PKN2: variants seen among roughly 807,000 people sequenced by gnomAD.
The protein encoded by PKN2 is protein kinase N2, also known as serine/threonine-protein kinase N2.
Under a neutral mutation model 119.1 loss-of-function variants are expected in PKN2, and 38 were observed. That is an observed-to-expected ratio of 0.32 (90% CI 0.25 to 0.42). The LOEUF is 0.42. PKN2 is among the 10% of genes least tolerant of loss of function. The probability of loss-of-function intolerance (pLI) is 1.00; values close to 1 mark genes in which losing one functional copy is unlikely to be tolerated. For synonymous variants in PKN2, 390 were observed against 384.9 expected (o/e 1.01, Z -0.15); for missense variants, 850 against 1,165.1 (o/e 0.73, Z 3.94).
At chr1:88,684,938 G>A (rs1446570236) in intron 1 of PKN2, 2 of 318,416 alleles carry the variant, frequency 6.3e-6, no homozygotes, top group Non-Finnish European at 1.2e-5. Context: ...AGGCCGGCCC[G>A]TCGCCCCCTC....
In PKN2 at chr1:88,770,346, T is replaced by TA. The variant is rs779004409; in HGVS notation, c.505-4dup. 114 of 1,563,608 alleles carry TA rather than the reference T, an allele frequency of 7.3e-5. No individual in the cohort carries two copies. Among genetic ancestry groups the TA allele is most frequent in the Non-Finnish European group, 2.4e-5 (27 of 1,135,818 alleles). Reference sequence around the variant, plus strand: ...GCTTAATTTTTCAAACTTATTTTTTTAATAGGATCGGAAACTCCATGGTAC... The same window carrying TA: ...GCTTAATTTTTCAAACTTATTTTTTTAAATAGGATCGGAAACTCCATGGTAC... On this transcript the variant is annotated splice_polypyrimidine_tract_variant and splice_region_variant and intron_variant, in intron 3 of 21. Coordinates refer to ENST00000370521, the MANE Select transcript of PKN2 (RefSeq NM_006256.4).
chr1:88,759,353 ACT>A (rs1378872227), intron 2 of PKN2, among the ~76,000 whole-genome samples: 6 of 152,074 alleles, frequency 3.9e-5, no homozygotes, highest in Admixed American at 1.3e-4. Flanking sequence ...ACAGAGCAAG[ACT>A]CTGTCTCAGA....
At chr1:88,697,334 A>G (rs887374912) in intron 1 of PKN2, among the ~76,000 whole-genome samples, 3 of 152,150 alleles carry the variant, frequency 2.0e-5, no homozygotes, top group Non-Finnish European at 2.9e-5. Flanking sequence ...ACATTATATG[A>G]CCAATCTGCC....
chr1:88,765,116 A>G lies in PKN2; in HGVS notation c.504+4740A>G, dbSNP rs546204306. On this transcript the variant is annotated intron_variant, in intron 3 of 21. Coordinates refer to ENST00000370521, the MANE Select transcript of PKN2 (RefSeq NM_006256.4). ...TACTTTTTTTGTATTGCTAGTAGAGATGGGGTTTCGCCATGTTGGCCAGGC... is the reference window on the plus strand; with the variant it reads ...TACTTTTTTTGTATTGCTAGTAGAGGTGGGGTTTCGCCATGTTGGCCAGGC... Among the ~76,000 whole-genome samples, 6 of 152,028 alleles carry G rather than the reference A, an allele frequency of 3.9e-5. No homozygotes were observed. In the East Asian group the frequency reaches 9.7e-4, roughly 25 times the overall value.
chr1:88,820,182 ATATATATATAT>A (rs1557634779), intron 16 of PKN2, among the ~76,000 whole-genome samples: 120 of 8,138 alleles, frequency 0.015, 4 homozygotes, highest in Non-Finnish European at 0.022. Flanking sequence ...TCAGAAACCT[ATATATATATAT>A]ATATATATAT....
intron 15 of PKN2, among the ~76,000 whole-genome samples, chr1:88,808,010 A>G (rs1557626211): frequency 6.6e-6 from 1 of 152,092 alleles, no homozygotes; most frequent in African/African-American, 2.4e-5. Context: ...GAAATGTTTG[A>G]ACTAATTTTG....
At chr1:88,829,264 G>T in intron 19 of PKN2, 1 of 673,978 alleles carries the variant, frequency 1.5e-6, no homozygotes. Flanking sequence ...AATTTGCTGA[G>T]AATGAAACCA....
At chr1:88,824,612 T>G (rs1342889643) in intron 18 of PKN2, among the ~76,000 whole-genome samples, 1 of 152,228 alleles carries the variant, frequency 6.6e-6, no homozygotes, top group Non-Finnish European at 1.5e-5. Flanking sequence ...ATAGTAAGCT[T>G]CTCTGTGTGA....
chr1:88,717,967 A>T (rs1453138485), intron 1 of PKN2, among the ~76,000 whole-genome samples: 2 of 152,182 alleles, frequency 1.3e-5, no homozygotes, highest in East Asian at 3.9e-4. Flanking sequence ...GGTGACCTAC[A>T]GATGAGGTTT....
At chr1:88,782,000 G>C (rs1480471091) in intron 6 of PKN2, among the ~76,000 whole-genome samples, 1 of 152,066 alleles carries the variant, frequency 6.6e-6, no homozygotes, top group African/African-American at 2.4e-5. Context: ...ACATACCATA[G>C]AATTCACTCA....
At chr1:88,686,938 T>C (rs1666127276) in intron 1 of PKN2, among the ~76,000 whole-genome samples, 1 of 152,168 alleles carries the variant, frequency 6.6e-6, no homozygotes. Context: ...TAAGAAGTTT[T>C]GTAGCCAGTT....
chr1:88,783,089 G>C (rs1670418882), intron 6 of PKN2, among the ~76,000 whole-genome samples: 2 of 152,190 alleles, frequency 1.3e-5, no homozygotes, highest in African/African-American at 4.8e-5. Context: ...AGCCTGGCTG[G>C]TGGTAACAAA....
At chr1:88,806,877 G>A (rs897366286) in intron 12 of PKN2, among the ~76,000 whole-genome samples, 2 of 151,776 alleles carry the variant, frequency 1.3e-5, no homozygotes, top group African/African-American at 2.4e-5. Context: ...GCACCACCAC[G>A]CCCACTAGTT....
chr1:88,757,611 C>G (rs1157853315), intron 2 of PKN2, among the ~76,000 whole-genome samples: 1 of 152,042 alleles, frequency 6.6e-6, no homozygotes, highest in Non-Finnish European at 1.5e-5. Context: ...AGGCAGTTTT[C>G]CAGTCATGAC....
At chr1:88,747,428 A>G (rs909549884) in intron 2 of PKN2, among the ~76,000 whole-genome samples, 2 of 152,152 alleles carry the variant, frequency 1.3e-5, no homozygotes, top group Non-Finnish European at 2.9e-5. Context: ...TTGTCATTCT[A>G]TGTGGAAATT....
intron 6 of PKN2, 150 bp downstream of exon 6, chr1:88,772,029 T>G (rs1016024889): frequency 9.5e-5 from 58 of 607,812 alleles, no homozygotes; most frequent in Non-Finnish European, 1.3e-4. Context: ...CATTTTAATT[T>G]TATTCAATTT....
In PKN2 at chr1:88,764,076, C is replaced by T. The variant is rs185288089; in HGVS notation, c.504+3700C>T. ...CTTCAAAACCCTCCAATGGTTTTCCCTCATACTTAGGACAAAATCCAAAAT... is the reference window on the plus strand; with the variant it reads ...CTTCAAAACCCTCCAATGGTTTTCCTTCATACTTAGGACAAAATCCAAAAT... On this transcript the variant is annotated intron_variant, in intron 3 of 21. Coordinates refer to ENST00000370521, the MANE Select transcript of PKN2 (RefSeq NM_006256.4). Among the ~76,000 whole-genome samples, 210 of 152,256 alleles carry T rather than the reference C, an allele frequency of 1.4e-3. 2 individuals carry two copies. In the South Asian group the frequency reaches 0.015, roughly 11 times the overall value.
In PKN2 at chr1:88,833,138, A is replaced by G. The variant is rs766407679; in HGVS notation, c.2732A>G (p.Lys911Arg). Residue 911 changes from lysine to arginine, a missense_variant, in exon 21 of 22, where the codon AAA (lysine) becomes AGA (arginine). Lys to Arg is a conservative substitution (Grantham distance 26, BLOSUM62 2). Around this residue, in one of 9 missense-constraint regions of PKN2, gnomAD observed 95 missense variants for 150.2 expected, o/e 0.63. Coordinates refer to ENST00000370521, the MANE Select transcript of PKN2 (RefSeq NM_006256.4). ...AGCGAGAAAGATGCAGAGGATGTAA[A>G]AAAGCACCCATTTTTCCGGGTAAGT... is the stretch of plus-strand genomic sequence containing the variant. ...GASEKDAEDVKKHPFFRLIDW... is the reference protein window; with the variant it reads ...GASEKDAEDVRKHPFFRLIDW... 4 of 1,613,070 alleles carry G rather than the reference A, an allele frequency of 2.5e-6. No homozygotes were observed. Among genetic ancestry groups the G allele is most frequent in the South Asian group, 1.1e-5 (1 of 91,010 alleles).
At chr1:88,792,642 T>A (rs1023169619) in intron 8 of PKN2, among the ~76,000 whole-genome samples, 2 of 152,164 alleles carry the variant, frequency 1.3e-5, no homozygotes, top group Non-Finnish European at 2.9e-5. Flanking sequence ...GACAGTCTAT[T>A]TTGCAAAAAA....
Sources: gnomAD v4.1 joint callset for allele counts (sites outside exome capture counted in the v4.1 genomes callset) on GRCh38, gnomAD v4.1.1 for gene constraint, gnomAD v4.1.1 regional missense constraint, MANE v1.5 for transcripts, NCBI Gene and HGNC (gene_info 2026-07-23, HGNC 2026-07-21) for gene names.